Variants in ARHGEF38 observed in about 807,000 individuals in gnomAD.
ARHGEF38 encodes the protein Rho guanine nucleotide exchange factor (GEF) 38.
A neutral mutation model predicts 79.9 loss-of-function variants in ARHGEF38; 79 were observed. That is an observed-to-expected ratio of 0.99 (90% CI 0.82 to 1.19). The LOEUF (loss-of-function observed/expected upper bound fraction) is 1.19. Ranked by LOEUF, ARHGEF38 falls within the 50% of genes most tolerant of loss-of-function variation. ARHGEF38 has a pLI of 0.00. For missense variants in ARHGEF38, 962 were observed against 907.2 expected, an observed-to-expected ratio of 1.06 and a Z score of -0.78; for synonymous variants, 366 against 328.3, an observed-to-expected ratio of 1.11 and a Z score of -1.24.
chr4:105,655,167 T>C (rs1364356412), intron 8 of ARHGEF38, among the ~76,000 whole-genome samples: 2 of 152,192 alleles, frequency 1.3e-5, no homozygotes, highest in African/African-American at 4.8e-5. Context: ...AAATGTCTCT[T>C]GGGAACATCT....
intron 13 of ARHGEF38, among the ~76,000 whole-genome samples, chr4:105,677,098 G>A (rs1481218025): frequency 2.0e-5 from 3 of 151,852 alleles, no homozygotes; most frequent in Non-Finnish European, 2.9e-5. Context: ...TGAGTAGCTG[G>A]GATTACAGGC....
chr4:105,659,047 T>C lies in ARHGEF38; in HGVS notation c.1234-7T>C. ...CTCTGAAATGGGCTCATTTTTTCTT[T>C]TGGCAGGCATCTCACTTACAGAGAC... On this transcript the variant is annotated splice_region_variant and splice_polypyrimidine_tract_variant and intron_variant, in intron 9 of 13. Coordinates refer to ENST00000420470, the MANE Select transcript of ARHGEF38 (RefSeq NM_001242729.2). The C allele has an allele frequency of 6.6e-7, 1 of 1,525,802 alleles. No homozygotes were observed. Among genetic ancestry groups the C allele is most frequent in the South Asian group, 1.2e-5 (1 of 82,598 alleles). 94.5% of individuals were successfully genotyped at this position (1,525,802 alleles called of 1,614,324 possible).
intron 1 of ARHGEF38, among the ~76,000 whole-genome samples, chr4:105,555,768 C>T (rs1431943675): frequency 6.6e-6 from 1 of 152,130 alleles, no homozygotes; most frequent in Non-Finnish European, 1.5e-5. Context: ...CTCTAACTCT[C>T]TGGGGAAGCA....
intron 2 of ARHGEF38, among the ~76,000 whole-genome samples, chr4:105,591,524 C>T (rs571834933): frequency 9.9e-5 from 15 of 152,264 alleles, no homozygotes; most frequent in African/African-American, 3.6e-4. Context: ...CCACCATGCC[C>T]GGCCTCAGAA....
At chr4:105,562,292 A>G (rs546082194) in intron 1 of ARHGEF38, among the ~76,000 whole-genome samples, 33 of 152,280 alleles carry the variant, frequency 2.2e-4, no homozygotes, top group African/African-American at 7.2e-4. Flanking sequence ...TGTCATTTGA[A>G]TATAATTCTC....
chr4:105,649,403 C>T (rs1297455223), intron 7 of ARHGEF38, among the ~76,000 whole-genome samples: 1 of 152,106 alleles, frequency 6.6e-6, no homozygotes, highest in Admixed American at 6.6e-5. Flanking sequence ...ATCTAGAAGT[C>T]TGTATTTTTG....
Position 105,667,652 on chromosome 4 carries a change from G to A in ARHGEF38, c.2097G>A (p.Lys699=), listed in dbSNP as rs1041289098. 2.6e-6 allele frequency: 4 copies of A among 1,536,358 alleles called. No homozygotes were observed. Among genetic ancestry groups the A allele is most frequent in the Non-Finnish European group, 3.5e-6 (4 of 1,146,998 alleles). ...SSSSLSGTCG[K]FETNGTDVDS... ...CATCTCTTAGTGGCACATGTGGAAA[G>A]TTTGAAACAAATGGTACTGATGTTG... The change falls in exon 13 of 14, where the codon AAG becomes AAA. Residue 699 remains lysine, a synonymous_variant. Transcript: ENST00000420470.
chr4:105,657,024 T>G (rs189335596), intron 9 of ARHGEF38, among the ~76,000 whole-genome samples: 1 of 150,850 alleles, frequency 6.6e-6, no homozygotes, highest in East Asian at 1.9e-4. Flanking sequence ...ATGAGATAGA[T>G]AGATGATAGA....
chr4:105,658,812 T>G (rs1165490597), intron 9 of ARHGEF38, among the ~76,000 whole-genome samples: 3 of 152,182 alleles, frequency 2.0e-5, no homozygotes, highest in African/African-American at 7.2e-5. Flanking sequence ...AGGCTTTAAC[T>G]TTTGTATTCC....
chr4:105,561,270 T>C (rs1363426489), intron 1 of ARHGEF38, among the ~76,000 whole-genome samples: 1 of 151,606 alleles, frequency 6.6e-6, no homozygotes, highest in Non-Finnish European at 1.5e-5. Context: ...TGGTTGGTGG[T>C]GCATGCCTGT....
At chr4:105,597,114 G>A (rs1445339966) in intron 2 of ARHGEF38, among the ~76,000 whole-genome samples, 1 of 152,110 alleles carries the variant, frequency 6.6e-6, no homozygotes, top group Non-Finnish European at 1.5e-5. Context: ...CTTTCATTGA[G>A]CAGAGGACAG....
At chr4:105,561,228 GAAAAC>G (rs1006980126) in intron 1 of ARHGEF38, among the ~76,000 whole-genome samples, 1 of 151,442 alleles carries the variant, frequency 6.6e-6, no homozygotes, top group African/African-American at 2.4e-5. Context: ...TCTCTACTAA[GAAAAC>G]AAAACAAAAC....
chr4:105,669,053 A>G (rs1367947047), intron 13 of ARHGEF38, among the ~76,000 whole-genome samples: 7 of 151,902 alleles, frequency 4.6e-5, no homozygotes, highest in Non-Finnish European at 1.0e-4. Context: ...CTTTAGAAAT[A>G]ATAATAATAA....
intron 2 of ARHGEF38, among the ~76,000 whole-genome samples, chr4:105,594,658 C>T (rs946275159): frequency 6.6e-6 from 1 of 152,190 alleles, no homozygotes; most frequent in Non-Finnish European, 1.5e-5. Context: ...AACTGAGTCA[C>T]CTTGTATGAG....
intron 1 of ARHGEF38, among the ~76,000 whole-genome samples, chr4:105,572,579 A>G (rs942181037): frequency 4.6e-5 from 7 of 151,880 alleles, no homozygotes; most frequent in African/African-American, 1.7e-4. Flanking sequence ...AACCATCTCC[A>G]CTTTCCGTTT....
At chr4:105,616,054 G>A (rs1373671472) in intron 3 of ARHGEF38, among the ~76,000 whole-genome samples, 2 of 152,138 alleles carry the variant, frequency 1.3e-5, no homozygotes, top group African/African-American at 4.8e-5. Flanking sequence ...AGTCAGTGGG[G>A]TTAATGGGAC....
At chr4:105,628,706 C>T (rs1052268084) in intron 3 of ARHGEF38, among the ~76,000 whole-genome samples, 1 of 152,094 alleles carries the variant, frequency 6.6e-6, no homozygotes, top group Non-Finnish European at 1.5e-5. Context: ...AACACACACA[C>T]ACATGCACAC....
At chr4:105,621,082 G>A (rs1728718377) in intron 3 of ARHGEF38, among the ~76,000 whole-genome samples, 1 of 152,218 alleles carries the variant, frequency 6.6e-6, no homozygotes, top group Non-Finnish European at 1.5e-5. Flanking sequence ...CAGCCTCCCA[G>A]CTGTTCCTGC....
intron 1 of ARHGEF38, among the ~76,000 whole-genome samples, chr4:105,562,650 C>T (rs1725691018): frequency 6.6e-6 from 1 of 152,166 alleles, no homozygotes; most frequent in South Asian, 2.1e-4. Flanking sequence ...CCAGGTATGA[C>T]TAGGTCCTAA....
Sources: gnomAD v4.1 joint callset for allele counts (sites outside exome capture counted in the v4.1 genomes callset) on GRCh38, gnomAD v4.1.1 for gene constraint, MANE v1.5 for transcripts, NCBI Gene and HGNC (gene_info 2026-07-23, HGNC 2026-07-21) for gene names.